FMN1: variants seen among roughly 807,000 people sequenced by gnomAD.
FMN1 encodes the protein formin 1, also known as formin-1.
Under a neutral mutation model 132.4 loss-of-function variants are expected in FMN1, and 110 were observed. The observed-to-expected ratio is 0.83, with a 90% CI of 0.71 to 0.97. The LOEUF (loss-of-function observed/expected upper bound fraction) is 0.97, where lower values mean the gene tolerates loss of function less well. FMN1 is among the 50% of genes least tolerant of loss of function. The pLI is 0.00. For synonymous variants in FMN1, 722 were observed against 651.7 expected (o/e 1.11, Z -1.64); for missense variants, 1,792 against 1,705.3 (o/e 1.05, Z -0.90).
At chr15:32,936,270 T>G (rs746611180) in intron 9 of FMN1, among the ~76,000 whole-genome samples, 2 of 152,154 alleles carry the variant, frequency 1.3e-5, no homozygotes, top group Non-Finnish European at 2.9e-5. Flanking sequence ...CTCCCCTGTT[T>G]CTTTGTGTGC....
At chr15:33,110,137 G>C (rs1340047588) in intron 4 of FMN1, among the ~76,000 whole-genome samples, 1 of 151,972 alleles carries the variant, frequency 6.6e-6, no homozygotes, top group Non-Finnish European at 1.5e-5. Context: ...CTTCTCCTAG[G>C]AATCTACCAT....
chr15:33,156,424 GCACGTGC>G (rs1435253979), intron 3 of FMN1, among the ~76,000 whole-genome samples: 1 of 151,736 alleles, frequency 6.6e-6, no homozygotes, highest in Non-Finnish European at 1.5e-5. Flanking sequence ...GGGACTACAG[GCACGTGC>G]CACCACCACC....
intron 4 of FMN1, among the ~76,000 whole-genome samples, chr15:33,122,810 A>G (rs565965742): frequency 5.3e-5 from 8 of 152,230 alleles, no homozygotes; most frequent in Admixed American, 1.3e-4. Flanking sequence ...ATCTGAAAGA[A>G]GAGGGAACTG....
chr15:32,899,811 T>C, intron 14 of FMN1, 168 bp downstream of exon 14: 1 of 717,232 alleles, frequency 1.4e-6, no homozygotes, highest in South Asian at 1.9e-5. Flanking sequence ...ACAAAACTCT[T>C]TATTCGAAAG....
At chr15:32,873,457 C>T (rs1231236814) in intron 16 of FMN1, among the ~76,000 whole-genome samples, 2 of 152,178 alleles carry the variant, frequency 1.3e-5, no homozygotes, top group Non-Finnish European at 2.9e-5. Context: ...TGTCATTGAT[C>T]CTACCTCTCT....
intron 2 of FMN1, among the ~76,000 whole-genome samples, chr15:33,184,491 CT>C (rs1002704264): frequency 2.2e-4 from 31 of 140,642 alleles, no homozygotes; most frequent in Middle Eastern, 3.6e-3. Context: ...TAATTTAGAT[CT>C]TTTTTTTTTC....
intron 3 of FMN1, among the ~76,000 whole-genome samples, chr15:33,161,846 A>G (rs1198042134): frequency 6.6e-6 from 1 of 151,272 alleles, no homozygotes; most frequent in Non-Finnish European, 1.5e-5. Context: ...TGAACCCGGG[A>G]GGTGGAGCTT....
intron 2 of FMN1, among the ~76,000 whole-genome samples, chr15:33,192,329 A>T (rs1239376318): frequency 6.6e-6 from 1 of 152,144 alleles, no homozygotes; most frequent in Non-Finnish European, 1.5e-5. Context: ...CACCAATTTT[A>T]TGTCTGGAAA....
At chr15:32,787,359 TAGAC>T (rs1162541204) in intron 19 of FMN1, among the ~76,000 whole-genome samples, 2 of 152,152 alleles carry the variant, frequency 1.3e-5, no homozygotes, top group Admixed American at 6.5e-5. Flanking sequence ...GCCACATACT[TAGAC>T]AGACACACTC....
At chr15:33,081,493 G>A (rs966673004) in intron 5 of FMN1, among the ~76,000 whole-genome samples, 3 of 152,152 alleles carry the variant, frequency 2.0e-5, no homozygotes, top group African/African-American at 7.2e-5. Flanking sequence ...AGTAGCTGCA[G>A]AATTTTTACT....
At chr15:33,062,209 C>G (rs891312265) in intron 6 of FMN1, among the ~76,000 whole-genome samples, 44 of 152,136 alleles carry the variant, frequency 2.9e-4, no homozygotes, top group Non-Finnish European at 5.1e-4. Context: ...TATAGCAATT[C>G]TACCTATAAG....
chr15:32,891,644 C>T (rs11638567), intron 15 of FMN1, among the ~76,000 whole-genome samples: 7,978 of 152,008 alleles, frequency 0.052, 277 homozygotes, highest in African/African-American at 0.074. Context: ...AATATTAATT[C>T]TACCTTTTCA....
At chr15:32,952,002 A>G (rs938365275) in intron 9 of FMN1, among the ~76,000 whole-genome samples, 5 of 152,212 alleles carry the variant, frequency 3.3e-5, no homozygotes, top group African/African-American at 1.2e-4. Context: ...GCAAACGCCC[A>G]GATCTCAGCT....
At chr15:32,995,661 A>G (rs1405339245) in intron 7 of FMN1, among the ~76,000 whole-genome samples, 4 of 152,198 alleles carry the variant, frequency 2.6e-5, no homozygotes, top group Non-Finnish European at 5.9e-5. Context: ...CACGTGCTCA[A>G]TTGGTGTTTA....
chr15:33,058,811 G>T (rs921622774), intron 6 of FMN1, among the ~76,000 whole-genome samples: 1 of 152,050 alleles, frequency 6.6e-6, no homozygotes, highest in Non-Finnish European at 1.5e-5. Context: ...TAGATGATGC[G>T]GTGTTTTGAT....
At chr15:33,131,132 C>A (rs556300558) in intron 4 of FMN1, among the ~76,000 whole-genome samples, 3 of 151,988 alleles carry the variant, frequency 2.0e-5, no homozygotes, top group Non-Finnish European at 4.4e-5. Flanking sequence ...GAATTTGAGA[C>A]CAGCCTGGCC....
intron 9 of FMN1, among the ~76,000 whole-genome samples, chr15:32,929,569 A>T (rs2061052567): frequency 6.6e-6 from 1 of 152,208 alleles, no homozygotes; most frequent in Non-Finnish European, 1.5e-5. Flanking sequence ...TTATACCCAC[A>T]GAATAGCAGA....
At chr15:32,950,260 T>C (rs2061622744) in intron 9 of FMN1, among the ~76,000 whole-genome samples, 1 of 151,202 alleles carries the variant, frequency 6.6e-6, no homozygotes, top group Non-Finnish European at 1.5e-5. Context: ...AGTTCAACTA[T>C]TGTGAAAGAC....
chr15:33,161,661 G>A (rs1964894904), intron 3 of FMN1, among the ~76,000 whole-genome samples: 1 of 152,192 alleles, frequency 6.6e-6, no homozygotes, highest in South Asian at 2.1e-4. Flanking sequence ...GCTCACGCCT[G>A]TAATCCCAGC....
Sources: allele counts gnomAD v4.1 joint callset (sites outside exome capture counted in the v4.1 genomes callset), GRCh38; gene constraint gnomAD v4.1.1; transcripts MANE v1.5; gene names NCBI Gene and HGNC (gene_info 2026-07-23, HGNC 2026-07-21).